The following GULP1 variants were observed in gnomAD, a reference collection of about 807,000 sequenced individuals.
The protein encoded by GULP1 is GULP PTB domain containing engulfment adaptor 1, also known as PTB domain-containing engulfment adapter protein 1.
In GULP1, 19 loss-of-function variants were observed where a neutral mutation model predicts 40.9. The ratio of observed to expected loss-of-function variants is 0.46; its 90% CI spans 0.32 to 0.68. The LOEUF is 0.68. Ranked by LOEUF, GULP1 falls within the 30% of genes least tolerant of loss-of-function variation. GULP1 has a pLI of 0.03. For synonymous variants in GULP1, 119 were observed against 117.6 expected (o/e 1.01, Z -0.08); for missense variants, 312 against 362.2 (o/e 0.86, Z 1.12).
intron 1 of GULP1, among the ~76,000 whole-genome samples, chr2:188,370,288 A>G (rs1415420228): frequency 6.6e-6 from 1 of 152,224 alleles, no homozygotes; most frequent in Non-Finnish European, 1.5e-5. Context: ...CAGTTTGAGC[A>G]TAGTGAGAAA....
intron 1 of GULP1, among the ~76,000 whole-genome samples, chr2:188,355,528 T>G (rs562184814): frequency 2.0e-5 from 3 of 152,024 alleles, no homozygotes; most frequent in Non-Finnish European, 2.9e-5. Flanking sequence ...ATTAAAATCA[T>G]AATAAAAAGT....
At chr2:188,337,973 C>T (rs2152117238) in intron 1 of GULP1, among the ~76,000 whole-genome samples, 1 of 152,186 alleles carries the variant, frequency 6.6e-6, no homozygotes, top group East Asian at 1.9e-4. Flanking sequence ...GGGCTAATTT[C>T]TGGACAAAAA....
Position 188,539,473 on chromosome 2 carries a change from A to G in GULP1, c.262-1708A>G, listed in dbSNP as rs796675312. On this transcript the variant is annotated intron_variant, in intron 6 of 11. Transcript: ENST00000409830. ...AAGATAGTCTCAAACAAATATGATC[A>G]TTGTCCATCGATGCTTTCTGTATAA... Among the ~76,000 whole-genome samples, 12 of 152,210 alleles carry G rather than the reference A, an allele frequency of 7.9e-5. 1 individual carries two copies. The highest frequency in any genetic ancestry group is 2.6e-4 in the African/African-American group (11 of 41,550).
chr2:188,397,837 A>C (rs562037945), intron 2 of GULP1, among the ~76,000 whole-genome samples: 1 of 152,332 alleles, frequency 6.6e-6, no homozygotes, highest in South Asian at 2.1e-4. Context: ...TGAACAATCA[A>C]TCCAAAGAAG....
At chr2:188,335,286 TTC>T (rs781241388) in intron 1 of GULP1, among the ~76,000 whole-genome samples, 1 of 152,192 alleles carries the variant, frequency 6.6e-6, no homozygotes, top group African/African-American at 2.4e-5. Context: ...TTTTGATTAA[TTC>T]TCTCTTCTTG....
intron 10 of GULP1, among the ~76,000 whole-genome samples, chr2:188,584,818 T>A (rs1029018163): frequency 6.6e-6 from 1 of 152,092 alleles, no homozygotes; most frequent in Non-Finnish European, 1.5e-5. Context: ...TGTTAAAAAA[T>A]ATATAAATTA....
At chr2:188,309,532 A>G (rs2037714660) in intron 1 of GULP1, among the ~76,000 whole-genome samples, 1 of 152,208 alleles carries the variant, frequency 6.6e-6, no homozygotes, top group South Asian at 2.1e-4. Context: ...AATATAAGAA[A>G]GAAGCTTCTG....
At position 188,428,592 on chromosome 2, in the gene GULP1, T is replaced by C. The variant is rs557569000; in HGVS notation, c.-45+44703T>C. On this transcript the variant is annotated intron_variant, in intron 2 of 11. Coordinates refer to ENST00000409830, the MANE Select transcript of GULP1 (RefSeq NM_016315.4). ...AAGTGTATGGCACCTCGTTCTTCTCTCTTTTCCTCCTGCTTTGGACATGTA... is the reference window on the plus strand; with the variant it reads ...AAGTGTATGGCACCTCGTTCTTCTCCCTTTTCCTCCTGCTTTGGACATGTA... Among the ~76,000 whole-genome samples, 5 of 152,314 alleles carry C rather than the reference T, an allele frequency of 3.3e-5. No individual in the cohort carries two copies. In the East Asian group the frequency reaches 9.7e-4, roughly 29 times the overall value.
intron 2 of GULP1, among the ~76,000 whole-genome samples, chr2:188,445,116 T>C (rs1331985699): frequency 6.6e-6 from 1 of 152,178 alleles, no homozygotes; most frequent in Non-Finnish European, 1.5e-5. Context: ...TCTTAGTTAA[T>C]GCATCCCAGA....
intron 2 of GULP1, among the ~76,000 whole-genome samples, chr2:188,438,705 G>T (rs2057656669): frequency 6.6e-6 from 1 of 151,622 alleles, no homozygotes. Context: ...AAATAAACTT[G>T]CATGAAAAAA....
In GULP1 at chr2:188,350,089, C is replaced by T. The variant is rs182604233; in HGVS notation, c.-171-33674C>T. Among the ~76,000 whole-genome samples, 369 of 152,214 alleles carry T rather than the reference C, an allele frequency of 2.4e-3. 9 individuals carry two copies. In the Middle Eastern group the frequency reaches 0.027, roughly 11 times the overall value. On this transcript the variant is annotated intron_variant, in intron 1 of 11. Transcript: ENST00000409830. The stretch of plus-strand genomic sequence containing the variant: ...GTATAGGCCTAGATTTATGCCAGGA[C>T]CACACTGTCTTAATTACTTTAGCTT...
At chr2:188,364,946 A>C (rs2046592459) in intron 1 of GULP1, among the ~76,000 whole-genome samples, 1 of 151,694 alleles carries the variant, frequency 6.6e-6, no homozygotes, top group Admixed American at 6.6e-5. Flanking sequence ...ATATATACAC[A>C]CACACACTTG....
intron 1 of GULP1, among the ~76,000 whole-genome samples, chr2:188,345,998 T>G (rs1387965476): frequency 2.6e-5 from 4 of 152,234 alleles, no homozygotes; most frequent in African/African-American, 9.6e-5. Context: ...AAAATGTGAA[T>G]AGGGATCATT....
At chr2:188,309,540 C>G (rs2037717029) in intron 1 of GULP1, among the ~76,000 whole-genome samples, 1 of 152,124 alleles carries the variant, frequency 6.6e-6, no homozygotes, top group African/African-American at 2.4e-5. Flanking sequence ...AAAGAAGCTT[C>G]TGATAATGGA....
At chr2:188,499,682 T>A (rs1389332681) in intron 4 of GULP1, among the ~76,000 whole-genome samples, 2 of 151,850 alleles carry the variant, frequency 1.3e-5, no homozygotes, top group Non-Finnish European at 2.9e-5. Flanking sequence ...AATGTTCTTT[T>A]CAAATCTTAA....
intron 11 of GULP1, chr2:188,591,944 G>A (rs376630968): frequency 6.6e-6 from 1 of 151,732 alleles, no homozygotes; most frequent in Non-Finnish European, 1.5e-5. Flanking sequence ...AGTAAATAAA[G>A]TCTCATTTTT....
chr2:188,473,639 A>G (rs1186073296), intron 2 of GULP1, among the ~76,000 whole-genome samples: 1 of 152,158 alleles, frequency 6.6e-6, no homozygotes, highest in African/African-American at 2.4e-5. Flanking sequence ...CTTGTGCTGA[A>G]TCTTGCCAGT....
chr2:188,335,554 A>G (rs1240504743), intron 1 of GULP1, among the ~76,000 whole-genome samples: 1 of 152,116 alleles, frequency 6.6e-6, no homozygotes, highest in Non-Finnish European at 1.5e-5. Flanking sequence ...AGCATCCTGT[A>G]TACATCACAT....
chr2:188,477,336 G>C (rs569987421), intron 2 of GULP1, among the ~76,000 whole-genome samples: 228 of 152,038 alleles, frequency 1.5e-3, no homozygotes, highest in Admixed American at 2.4e-3. Flanking sequence ...CACACCTCTT[G>C]TCAACAAGCT....
Sources: gnomAD v4.1 joint callset for allele counts (sites outside exome capture counted in the v4.1 genomes callset) on GRCh38, gnomAD v4.1.1 for gene constraint, MANE v1.5 for transcripts, NCBI Gene and HGNC (gene_info 2026-07-23, HGNC 2026-07-21) for gene names.